Variants in DZIP3 observed in about 807,000 individuals in gnomAD.
The protein encoded by DZIP3 is DAZ interacting zinc finger protein 3.
DZIP3 carries 118 observed loss-of-function variants against 162.0 expected under a neutral mutation model. That is an observed-to-expected ratio of 0.73 (90% CI 0.63 to 0.85). The LOEUF (loss-of-function observed/expected upper bound fraction) is 0.85, where lower values mean the gene tolerates loss of function less well. DZIP3 is among the 40% of genes least tolerant of loss of function. The pLI is 0.00. For synonymous variants in DZIP3, 438 were observed against 458.6 expected (o/e 0.96, Z 0.57); for missense variants, 1,331 against 1,407.0 (o/e 0.95, Z 0.86).
intron 5 of DZIP3, among the ~76,000 whole-genome samples, chr3:108,617,617 TATA>T (rs1209527261): frequency 6.6e-6 from 1 of 151,780 alleles, no homozygotes; most frequent in Non-Finnish European, 1.5e-5. Context: ...AATCTCATAT[TATA>T]ATGATGTACA....
chr3:108,631,055 A>ACACACACACACTCTCTCTCTCTCT, intron 8 of DZIP3, among the ~76,000 whole-genome samples: 3 of 18,008 alleles, frequency 1.7e-4, no homozygotes, highest in Non-Finnish European at 2.7e-4. Flanking sequence ...ACACACACAC[A>ACACACACACACTCTCTCTCTCTCT]CTCTCTCTCT....
intron 5 of DZIP3, among the ~76,000 whole-genome samples, chr3:108,621,600 G>A (rs1189318346): frequency 2.6e-5 from 4 of 152,154 alleles, no homozygotes; most frequent in African/African-American, 9.7e-5. Context: ...ACAAAATACA[G>A]GCAATAACAA....
intron 23 of DZIP3, among the ~76,000 whole-genome samples, chr3:108,673,655 T>C (rs1213868151): frequency 6.6e-6 from 1 of 151,922 alleles, no homozygotes; most frequent in East Asian, 1.9e-4. Context: ...TATTATTACC[T>C]CTTCATCAAT....
rs573452194 is a variant in DZIP3, at chr3:108,669,728, A to T, written c.2471A>T (p.Lys824Ile). Residue 824 changes from lysine (K) to isoleucine (I), a missense_variant, in exon 22 of 33, where the codon AAA becomes ATA. Coordinates refer to ENST00000361582, the MANE Select transcript of DZIP3 (RefSeq NM_014648.4). ...AAAGATAATGAAATCAAGAACCTTA[A>T]AGAGCAACTTTCTATGAAAAGGTAC... ...HAKDNEIKNL[K>I]EQLSMKRSQW... The T allele has an allele frequency of 1.9e-6, 3 of 1,611,276 alleles. No individual in the cohort carries two copies. Among genetic ancestry groups the T allele is most frequent in the Non-Finnish European group, 2.5e-6 (3 of 1,178,342 alleles).
chr3:108,688,660 C>T lies in DZIP3; in HGVS notation c.3338C>T (p.Ala1113Val), dbSNP rs781687226. ...SPSHSPSQPD[A>V]AQPPKPAWRP... ...AGTCATTCTCCATCACAGCCTGATG[C>T]TGCCCAGCCCCCAAAACCAGCCTGG... The change falls in exon 30 of 33, where the codon GCT becomes GTT. Residue 1113 changes from alanine to valine, a missense_variant. Around this residue, in one of 2 missense-constraint regions of DZIP3, gnomAD observed 1,278 missense variants for 1,317.1 expected, o/e 0.97. Transcript: ENST00000361582. The T allele has an allele frequency of 6.2e-7, 1 of 1,614,170 alleles. No homozygotes were observed. The highest frequency in any genetic ancestry group is 1.7e-5 in the Admixed American group (1 of 60,034).
At chr3:108,658,480 C>T (rs1370054076) in intron 19 of DZIP3, among the ~76,000 whole-genome samples, 6 of 151,384 alleles carry the variant, frequency 4.0e-5, no homozygotes, top group Admixed American at 6.6e-5. Flanking sequence ...CTCTGGGACA[C>T]ATTCAAAGCA....
At chr3:108,684,114 C>T in intron 26 of DZIP3, 102 bp from the exon 27 acceptor site, 1 of 1,310,028 alleles carries the variant, frequency 7.6e-7, no homozygotes, top group Non-Finnish European at 1.0e-6. Context: ...AATGAGTGTT[C>T]CCCCCGCCAT....
At chr3:108,637,461 A>G (rs1175002842) in intron 11 of DZIP3, 35 bp from the exon 12 acceptor site, 3 of 1,593,500 alleles carry the variant, frequency 1.9e-6, no homozygotes, top group African/African-American at 2.7e-5. Context: ...AAATTGAACT[A>G]CTTTAGGGCT....
intron 19 of DZIP3, 178 bp downstream of exon 19, chr3:108,654,488 A>G (rs1255480813): frequency 3.2e-6 from 2 of 631,458 alleles, no homozygotes; most frequent in Non-Finnish European, 5.3e-6. Flanking sequence ...AGGAAAAAAA[A>G]GAACGCCTAG....
intron 4 of DZIP3, among the ~76,000 whole-genome samples, chr3:108,611,963 C>CAAAA (rs10663799): frequency 1.4e-5 from 2 of 141,862 alleles, no homozygotes; most frequent in Non-Finnish European, 1.5e-5. Flanking sequence ...CACTCTGTCT[C>CAAAA]AAAAAAAAAA....
chr3:108,664,878 G>A (rs1012226729), intron 21 of DZIP3, among the ~76,000 whole-genome samples: 3 of 152,116 alleles, frequency 2.0e-5, no homozygotes, highest in Non-Finnish European at 4.4e-5. Context: ...AGCTGAACTT[G>A]TACATCTCTC....
At chr3:108,635,633 TAA>T (rs1200469956) in intron 10 of DZIP3, among the ~76,000 whole-genome samples, 9 of 137,354 alleles carry the variant, frequency 6.6e-5, no homozygotes, top group South Asian at 2.4e-4. Flanking sequence ...TATAATTATA[TAA>T]GTTATATATA....
chr3:108,594,377 G>A (rs1308338430), intron 1 of DZIP3, among the ~76,000 whole-genome samples: 1 of 150,322 alleles, frequency 6.7e-6, no homozygotes, highest in Non-Finnish European at 1.5e-5. Context: ...AAAAGTTGAA[G>A]TCTTAGGACA....
intron 26 of DZIP3, among the ~76,000 whole-genome samples, chr3:108,683,717 A>G (rs577674946): frequency 8.0e-4 from 122 of 152,320 alleles, no homozygotes; most frequent in Admixed American, 2.4e-3. Flanking sequence ...GGAGCTAAAC[A>G]TTAAGTCAAA....
intron 8 of DZIP3, among the ~76,000 whole-genome samples, chr3:108,631,047 ACACACACACT>A (rs1373453285): frequency 3.0e-4 from 22 of 72,532 alleles, no homozygotes; most frequent in South Asian, 6.2e-4. Flanking sequence ...ACACACACAC[ACACACACACT>A]CTCTCTCTCT....
In DZIP3 at chr3:108,623,707, A is replaced by G. The variant is rs777236350; in HGVS notation, c.376-737A>G. Among the ~76,000 whole-genome samples the G allele has an allele frequency of 4.6e-5, 7 of 152,224 alleles. 1 individual carries two copies. Among genetic ancestry groups the G allele is most frequent in the Non-Finnish European group, 7.3e-5 (5 of 68,032 alleles). ...GCTCCAAGCCCAGCACAGCACCAGGACATGGCCAGGAACTGCAGTCCTTGT... is the reference window on the plus strand; with the variant it reads ...GCTCCAAGCCCAGCACAGCACCAGGGCATGGCCAGGAACTGCAGTCCTTGT... On this transcript the variant is annotated intron_variant, in intron 5 of 32. Coordinates refer to ENST00000361582, the MANE Select transcript of DZIP3 (RefSeq NM_014648.4).
chr3:108,673,638 A>G (rs1049065900), intron 23 of DZIP3, among the ~76,000 whole-genome samples: 1 of 151,914 alleles, frequency 6.6e-6, no homozygotes, highest in Non-Finnish European at 1.5e-5. Flanking sequence ...GTCTTTCTGT[A>G]TGGTCTTATT....
intron 21 of DZIP3, among the ~76,000 whole-genome samples, chr3:108,669,268 C>T (rs979057183): frequency 4.6e-5 from 7 of 151,864 alleles, no homozygotes; most frequent in Non-Finnish European, 1.0e-4. Context: ...TCATAATTTG[C>T]ATGACTTGAT....
At chr3:108,683,909 T>A (rs908632913) in intron 26 of DZIP3, among the ~76,000 whole-genome samples, 1 of 152,186 alleles carries the variant, frequency 6.6e-6, no homozygotes, top group Middle Eastern at 3.2e-3. Context: ...TATCCAACCC[T>A]CTCATTTTAT....
Sources: gnomAD v4.1 joint callset for allele counts (sites outside exome capture counted in the v4.1 genomes callset) on GRCh38, gnomAD v4.1.1 for gene constraint, gnomAD v4.1.1 regional missense constraint, MANE v1.5 for transcripts, NCBI Gene and HGNC (gene_info 2026-07-23, HGNC 2026-07-21) for gene names.